RHPN2: variants seen among roughly 807,000 people sequenced by gnomAD.
RHPN2 encodes the protein rhophilin-2.
A neutral mutation model predicts 79.0 loss-of-function variants in RHPN2; 40 were observed. The observed-to-expected ratio is 0.51, with a 90% CI of 0.39 to 0.66. The LOEUF is 0.66. RHPN2 is among the 30% of genes least tolerant of loss of function. The probability of loss-of-function intolerance (pLI) is 0.00; values close to 1 mark genes in which losing one functional copy is unlikely to be tolerated. For missense variants in RHPN2, 686 were observed against 883.5 expected, an observed-to-expected ratio of 0.78 and a Z score of 2.83; for synonymous variants, 285 against 363.5, an observed-to-expected ratio of 0.78 and a Z score of 2.46.
chr19:33,010,979 G>C (rs149450885), intron 6 of RHPN2, among the ~76,000 whole-genome samples: 2 of 152,118 alleles, frequency 1.3e-5, no homozygotes, highest in African/African-American at 4.8e-5. Flanking sequence ...CACTGTACCC[G>C]GCCTCCCAAG....
Position 33,031,087 on chromosome 19 carries a change from G to A in RHPN2, c.186-4455C>T, listed in dbSNP as rs139094200. 4.2e-3 allele frequency among the ~76,000 whole-genome samples: 644 copies of A among 152,274 alleles called. 1 individual carries two copies. The highest frequency in any genetic ancestry group is 6.6e-3 in the Non-Finnish European group (448 of 68,022). ...TCAGGAACAGCCAATTGGAAGAGGT[G>A]TACACGGCAAGTTATGGTGGGAGAG... is the stretch of plus-strand genomic sequence containing the variant. On this transcript the variant is annotated intron_variant, in intron 2 of 14. Transcript: ENST00000254260.
In RHPN2 at chr19:32,980,022, G is replaced by A; in HGVS notation, c.2035C>T (p.Leu679Phe). Residue 679 changes from leucine to phenylalanine, a missense_variant, in exon 15 of 15, where the codon CTC becomes TTC. Physicochemically the swap from Leu to Phe is conservative, Grantham distance 22. Coordinates refer to ENST00000254260, the MANE Select transcript of RHPN2 (RefSeq NM_033103.5). ...TAGTACCAAGAACTGTCTGAGTTGA[G>A]AAGGCTGAAAGGGGAGGGCAGCTTC... ...KKKLPSPFSL[L>F]NSDSSWY 1 of 1,613,952 alleles carries A rather than the reference G, an allele frequency of 6.2e-7. No individual in the cohort carries two copies. The highest frequency in any genetic ancestry group is 8.5e-7 in the Non-Finnish European group (1 of 1,179,852).
At chr19:32,995,169 C>A (rs1055132859) in intron 11 of RHPN2, among the ~76,000 whole-genome samples, 2 of 152,030 alleles carry the variant, frequency 1.3e-5, no homozygotes, top group Non-Finnish European at 2.9e-5. Context: ...ACCTCCTGGA[C>A]TCAAATGATT....
intron 14 of RHPN2, among the ~76,000 whole-genome samples, chr19:32,985,210 G>A (rs532570875): frequency 6.6e-6 from 1 of 152,114 alleles, no homozygotes; most frequent in Non-Finnish European, 1.5e-5. Context: ...CTGACCTCAG[G>A]TGATGAGAAG....
At chr19:33,064,755 T>TGGGGGGGCC in intron 1 of RHPN2, 29 bp downstream of exon 1, 9 of 1,427,928 alleles carry the variant, frequency 6.3e-6, no homozygotes, top group Non-Finnish European at 8.5e-6. Flanking sequence ...AGCCCGCAGG[T>TGGGGGGGCC]CCCCGCCCGC....
intron 4 of RHPN2, among the ~76,000 whole-genome samples, chr19:33,021,298 C>T (rs1010782475): frequency 6.6e-6 from 1 of 152,216 alleles, no homozygotes; most frequent in Non-Finnish European, 1.5e-5. Context: ...TAGATATCAA[C>T]TGACTCTGCC....
intron 1 of RHPN2, among the ~76,000 whole-genome samples, chr19:33,060,994 G>A (rs770036569): frequency 2.3e-4 from 35 of 152,058 alleles, no homozygotes; most frequent in Non-Finnish European, 5.0e-4. Flanking sequence ...GTGTCAAAGC[G>A]GTCTTTTTCT....
chr19:33,046,515 G>A lies in RHPN2; in HGVS notation c.70-2151C>T, dbSNP rs371666485. Among the ~76,000 whole-genome samples the A allele has an allele frequency of 2.4e-4, 37 of 152,016 alleles. No individual in the cohort carries two copies. In the South Asian group the frequency reaches 7.7e-3, roughly 32 times the overall value. ...CTCCTGACCTCAAGTGATCCGCTTGGCTTGGCTTCCCAATATGCTGGGATT... is the reference window on the plus strand; with the variant it reads ...CTCCTGACCTCAAGTGATCCGCTTGACTTGGCTTCCCAATATGCTGGGATT... On this transcript the variant is annotated intron_variant, in intron 1 of 14. Coordinates refer to ENST00000254260, the MANE Select transcript of RHPN2 (RefSeq NM_033103.5).
intron 1 of RHPN2, among the ~76,000 whole-genome samples, chr19:33,050,498 C>T (rs766849120): frequency 6.6e-6 from 1 of 152,108 alleles, no homozygotes; most frequent in Non-Finnish European, 1.5e-5. Context: ...AAATACAGAA[C>T]ACAGAACATT....
At chr19:33,056,894 G>A (rs1972236987) in intron 1 of RHPN2, among the ~76,000 whole-genome samples, 1 of 151,228 alleles carries the variant, frequency 6.6e-6, no homozygotes, top group Non-Finnish European at 1.5e-5. Flanking sequence ...CAGATCACAA[G>A]GTCATGAGAT....
rs373469027 is a variant in RHPN2 at position 32,999,472 on chromosome 19, C to T, written c.1225+114G>A. 4 of 1,368,680 alleles carry T rather than the reference C, an allele frequency of 2.9e-6. No individual in the cohort carries two copies. In the African/African-American group the frequency reaches 4.4e-5, roughly 15 times the overall value. The allele number at this position is 1,368,680 out of a possible 1,614,324, so 84.8% of individuals were successfully genotyped here. ...TCTGAACCCAAAGTGGCCACGATGA[C>T]TCGGAACACCCCCCTCTCCCGGGCC... On this transcript the variant is annotated intron_variant, in intron 10 of 14. Transcript: ENST00000254260.
rs1599807903 is a variant in RHPN2, at chr19:32,991,289, C to T, written c.1644+534G>A. ...TGGCTAACACAGTGAAACCCCGTCT[C>T]TACTAAAAACACACAAAAAATTAGC... On this transcript the variant is annotated intron_variant, in intron 13 of 14. Transcript: ENST00000254260. 3.1e-5 allele frequency: 6 copies of T among 193,988 alleles called. No homozygotes were observed. The South Asian group carries it at 5.6e-4, about 18-fold the overall frequency. 12.0% of individuals were successfully genotyped at this position (193,988 alleles called of 1,614,324 possible).
chr19:33,004,434 A>T (rs1248168734), intron 7 of RHPN2, among the ~76,000 whole-genome samples: 1 of 152,178 alleles, frequency 6.6e-6, no homozygotes, highest in African/African-American at 2.4e-5. Context: ...TGAACTGCAC[A>T]CTTAAAAATG....
At chr19:33,026,061 G>C (rs569403937) in intron 3 of RHPN2, among the ~76,000 whole-genome samples, 1 of 143,548 alleles carries the variant, frequency 7.0e-6, no homozygotes. Context: ...GTGTGATCTC[G>C]GCTCACTGAA....
chr19:33,036,679 G>A (rs867722452), intron 2 of RHPN2, among the ~76,000 whole-genome samples: 2 of 152,212 alleles, frequency 1.3e-5, no homozygotes, highest in African/African-American at 4.8e-5. Flanking sequence ...CGCGGTGCTT[G>A]CGGGCTAGCG....
chr19:33,058,009 A>G (rs1296462989), intron 1 of RHPN2, among the ~76,000 whole-genome samples: 1 of 152,068 alleles, frequency 6.6e-6, no homozygotes, highest in African/African-American at 2.4e-5. Flanking sequence ...AAAATACAAA[A>G]ATTAGCTGGG....
At chr19:32,991,493 G>A in intron 13 of RHPN2, 1 of 345,216 alleles carries the variant, frequency 2.9e-6, no homozygotes, top group South Asian at 2.7e-5. Context: ...TTAGCTGAGT[G>A]TGGTGGCACG....
intron 1 of RHPN2, among the ~76,000 whole-genome samples, chr19:33,063,532 A>C (rs1419699612): frequency 6.6e-6 from 1 of 152,242 alleles, no homozygotes; most frequent in Admixed American, 6.5e-5. Flanking sequence ...AACGAAAATC[A>C]ACAACAATCT....
intron 1 of RHPN2, 23 bp downstream of exon 1, chr19:33,064,761 C>A: frequency 1.5e-6 from 2 of 1,308,926 alleles, no homozygotes; most frequent in Non-Finnish European, 2.1e-6. Flanking sequence ...CAGGTCCCCG[C>A]CCGCCCGCCC....
Sources: allele counts gnomAD v4.1 joint callset (sites outside exome capture counted in the v4.1 genomes callset), GRCh38; gene constraint gnomAD v4.1.1; transcripts MANE v1.5; gene names NCBI Gene and HGNC (gene_info 2026-07-23, HGNC 2026-07-21).